NFASC: variants seen among roughly 807,000 people sequenced by gnomAD.
The protein encoded by NFASC is neurofascin homolog.
NFASC carries 43 observed loss-of-function variants against 147.5 expected under a neutral mutation model. The observed-to-expected ratio is 0.29, with a 90% CI of 0.23 to 0.38. The LOEUF is 0.38. Ranked by LOEUF, NFASC falls within the 10% of genes least tolerant of loss-of-function variation. NFASC has a pLI of 1.00. For synonymous variants in NFASC, 622 were observed against 665.5 expected (o/e 0.93, Z 1.01); for missense variants, 1,320 against 1,689.0 (o/e 0.78, Z 3.83).
At chr1:204,965,111 A>G (rs1164282594) in intron 8 of NFASC, among the ~76,000 whole-genome samples, 1 of 152,200 alleles carries the variant, frequency 6.6e-6, no homozygotes, top group African/African-American at 2.4e-5. Context: ...CCACACAGAT[A>G]TGAGCTTTAG....
chr1:204,945,753 C>T (rs957795682), intron 3 of NFASC, among the ~76,000 whole-genome samples: 1 of 152,166 alleles, frequency 6.6e-6, no homozygotes, highest in Non-Finnish European at 1.5e-5. Context: ...TAACTGTCTG[C>T]GAGGCTGGCT....
At chr1:204,993,411 T>G (rs1442594095) in intron 24 of NFASC, among the ~76,000 whole-genome samples, 1 of 152,248 alleles carries the variant, frequency 6.6e-6, no homozygotes, top group Non-Finnish European at 1.5e-5. Flanking sequence ...GGGCTCTTGA[T>G]AGGTGCCCTG....
chr1:204,949,444 T>G (rs1365271629), intron 3 of NFASC, among the ~76,000 whole-genome samples: 1 of 152,214 alleles, frequency 6.6e-6, no homozygotes, highest in East Asian at 1.9e-4. Context: ...GCCCTCACTC[T>G]GAAAAAGTCA....
At chr1:204,839,505 G>A (rs1272202420) in intron 1 of NFASC, among the ~76,000 whole-genome samples, 1 of 152,168 alleles carries the variant, frequency 6.6e-6, no homozygotes, top group Non-Finnish European at 1.5e-5. Context: ...GATTACATGC[G>A]TGTCCCTGTC....
chr1:204,996,609 G>A (rs2095849572), intron 24 of NFASC, among the ~76,000 whole-genome samples: 1 of 152,240 alleles, frequency 6.6e-6, no homozygotes, highest in Admixed American at 6.5e-5. Flanking sequence ...CGCGCAGAGT[G>A]GAGATTGTTC....
At chr1:204,888,798 T>A (rs769713192) in intron 1 of NFASC, among the ~76,000 whole-genome samples, 61 of 152,182 alleles carry the variant, frequency 4.0e-4, no homozygotes, top group African/African-American at 1.4e-3. Flanking sequence ...CAGGCAGAGC[T>A]CTAGGGCTGG....
chr1:204,890,749 T>C (rs945213501), intron 1 of NFASC, among the ~76,000 whole-genome samples: 1 of 152,140 alleles, frequency 6.6e-6, no homozygotes. Context: ...TTTGTATTTT[T>C]AGTAGAGACA....
chr1:204,879,907 C>G (rs11240302), intron 1 of NFASC, among the ~76,000 whole-genome samples: 2 of 152,104 alleles, frequency 1.3e-5, no homozygotes, highest in African/African-American at 4.8e-5. Context: ...GCTCAGTGAT[C>G]AGATGGTTTG....
chr1:204,870,316 C>T (rs779678078), intron 1 of NFASC, among the ~76,000 whole-genome samples: 3 of 152,188 alleles, frequency 2.0e-5, no homozygotes, highest in Non-Finnish European at 2.9e-5. Flanking sequence ...ACCAAAGTTG[C>T]GGAGAGCCAT....
chr1:204,851,446 C>A (rs1184202629), intron 1 of NFASC, among the ~76,000 whole-genome samples: 1 of 151,922 alleles, frequency 6.6e-6, no homozygotes, highest in East Asian at 1.9e-4. Flanking sequence ...GATTCTCATG[C>A]CTCAGCCTCT....
chr1:204,848,916 G>A (rs1265661770), intron 1 of NFASC, among the ~76,000 whole-genome samples: 1 of 152,228 alleles, frequency 6.6e-6, no homozygotes, highest in African/African-American at 2.4e-5. Flanking sequence ...TACCACAGAG[G>A]CCATTATTTA....
At chr1:204,974,118 A>T (rs1196179163) in intron 12 of NFASC, 61 bp from the exon 13 acceptor site, 1 of 1,373,978 alleles carries the variant, frequency 7.3e-7, no homozygotes, top group Non-Finnish European at 1.0e-6. Context: ...GGTGAGACCG[A>T]GGGGGAAGAG....
At chr1:205,013,934 C>T (rs2096297100) in intron 29 of NFASC, among the ~76,000 whole-genome samples, 1 of 152,198 alleles carries the variant, frequency 6.6e-6, no homozygotes, top group South Asian at 2.1e-4. Context: ...CCATGACTGT[C>T]CACCTAGTCC....
intron 2 of NFASC, among the ~76,000 whole-genome samples, chr1:204,930,933 C>T (rs963051478): frequency 6.6e-6 from 1 of 152,120 alleles, no homozygotes; most frequent in African/African-American, 2.4e-5. Flanking sequence ...CATACCAGGG[C>T]TTGAGGGCTG....
intron 1 of NFASC, among the ~76,000 whole-genome samples, chr1:204,862,829 AG>A (rs981910353): frequency 1.3e-5 from 2 of 152,196 alleles, no homozygotes; most frequent in Non-Finnish European, 2.9e-5. Flanking sequence ...TGGTGAGTTA[AG>A]TTTTTAAATT....
Position 204,987,863 on chromosome 1 carries a change from C to T in NFASC, c.2593+323C>T, listed in dbSNP as rs2095648156. Among the ~76,000 whole-genome samples the T allele has an allele frequency of 6.6e-6, 1 of 152,198 alleles. No individual in the cohort carries two copies. The highest frequency in any genetic ancestry group is 2.4e-5 in the African/African-American group (1 of 41,448). On this transcript the variant is annotated intron_variant, in intron 22 of 29. Transcript: ENST00000339876. This position sits in a 1 kb window ranked among gnomAD's most constrained non-coding sequence, Gnocchi z 4.4. ...CGTACAGAGTCTAGGAGAGAGAGTT[C>T]CTCAAGCTCTGGAGCTTCCACCTGA...
At chr1:204,925,061 GAC>G (rs1258607099) in intron 2 of NFASC, among the ~76,000 whole-genome samples, 1 of 152,152 alleles carries the variant, frequency 6.6e-6, no homozygotes, top group Admixed American at 6.5e-5. Context: ...TTTTAATAGA[GAC>G]AGGGTTTCAC....
intron 2 of NFASC, among the ~76,000 whole-genome samples, chr1:204,929,044 C>T (rs577056598): frequency 1.3e-5 from 2 of 152,276 alleles, no homozygotes; most frequent in South Asian, 2.1e-4. Context: ...AGATTAGTTC[C>T]GAGTGTTGAG....
In NFASC at chr1:204,968,932, C is replaced by G. The variant is rs1331225622; in HGVS notation, c.953C>G (p.Ala318Gly). ...EEDSGEYFCLASNKMGSIRHT... is the reference protein window; with the variant it reads ...EEDSGEYFCLGSNKMGSIRHT... ...GACTCCGGGGAGTATTTCTGCCTGG[C>G]CTCCAACAAGATGGGCAGCATCCGG... is the stretch of plus-strand genomic sequence containing the variant. Residue 318 changes from alanine to glycine, a missense_variant, in exon 10 of 30, where the codon GCC (alanine) becomes GGC (glycine). Ala to Gly is a moderately conservative substitution (Grantham distance 60). Transcript: ENST00000339876. The surrounding 1 kb of genome is among the most constrained non-coding windows in gnomAD (Gnocchi z 5.4). The G allele has an allele frequency of 6.2e-7, 1 of 1,613,904 alleles. No individual in the cohort carries two copies.
Sources: allele counts gnomAD v4.1 joint callset (sites outside exome capture counted in the v4.1 genomes callset), GRCh38; gene constraint gnomAD v4.1.1; non-coding constraint Gnocchi (gnomAD v3.1); transcripts MANE v1.5; gene names NCBI Gene and HGNC (gene_info 2026-07-23, HGNC 2026-07-21).